The following ENTREP3 variants were observed in gnomAD, a reference collection of about 807,000 sequenced individuals.
ENTREP3 encodes protein ENTREP3.
chr1:155,253,607 C>G, the ENTREP3 span: 9 of 1,584,782 alleles, frequency 5.7e-6, no homozygotes, highest in Non-Finnish European at 7.8e-6. Context: ...CGTGCCCTGG[C>G]CCCTGCTCCC....
At chr1:155,253,963 C>T in the ENTREP3 span, 3 of 1,613,086 alleles carry the variant, frequency 1.9e-6, no homozygotes, top group Admixed American at 5.0e-5. Flanking sequence ...GGACAGCACA[C>T]ACAGACCTTT....
the ENTREP3 span, chr1:155,250,260 C>T: frequency 1.8e-5 from 28 of 1,542,720 alleles, no homozygotes; most frequent in East Asian, 2.5e-5. The surrounding 1 kb of genome is among the most constrained non-coding windows in gnomAD (Gnocchi z 5.4). Context: ...CCTGGGCAGT[C>T]GGGGAGGGGG....
the ENTREP3 span, chr1:155,251,598 G>A: frequency 1.9e-6 from 3 of 1,613,380 alleles, no homozygotes; most frequent in Admixed American, 5.0e-5. Flanking sequence ...CATTGTACGT[G>A]ATGCTGGCAG....
At chr1:155,250,603 G>A in the ENTREP3 span, 3 of 1,608,122 alleles carry the variant, frequency 1.9e-6, no homozygotes, top group Non-Finnish European at 1.7e-6. This position sits in a 1 kb window ranked among gnomAD's most constrained non-coding sequence, Gnocchi z 5.4. Flanking sequence ...GCCCGTGGGG[G>A]GCGCCGTGGC....
the ENTREP3 span, chr1:155,247,917 G>A: frequency 6.3e-7 from 1 of 1,593,800 alleles, no homozygotes; most frequent in Non-Finnish European, 8.5e-7. Context: ...GAAGGTGGAG[G>A]CTCTCTCGGC....
chr1:155,254,138 A>T, the ENTREP3 span: 1 of 1,614,172 alleles, frequency 6.2e-7, no homozygotes, highest in Non-Finnish European at 8.5e-7. The surrounding 1 kb of genome is among the most constrained non-coding windows in gnomAD (Gnocchi z 4.4). Flanking sequence ...AGGAGAGAAC[A>T]GAGCCAGCCA....
chr1:155,250,317 C>T, the ENTREP3 span: 4 of 1,527,564 alleles, frequency 2.6e-6, no homozygotes, highest in Non-Finnish European at 2.6e-6. The surrounding 1 kb of genome is among the most constrained non-coding windows in gnomAD (Gnocchi z 5.4). Context: ...GCTGTGGGAC[C>T]GTGGCAGCAG....
At chr1:155,255,174 G>A in the ENTREP3 span, 1 of 529,400 alleles carries the variant, frequency 1.9e-6, no homozygotes. This position sits in a 1 kb window ranked among gnomAD's most constrained non-coding sequence, Gnocchi z 5.6. Context: ...CTAGGGAAGA[G>A]GGGCACCGAG....
At chr1:155,252,825 C>T in the ENTREP3 span, 2 of 130,218 alleles carry the variant, frequency 1.5e-5, no homozygotes, top group African/African-American at 3.0e-5. Context: ...TCTGTCTCCC[C>T]GGTTCAAGCA....
the ENTREP3 span, chr1:155,251,476 C>G: frequency 1.3e-6 from 2 of 1,569,788 alleles, no homozygotes; most frequent in South Asian, 2.2e-5. Context: ...CTCCCCAGCC[C>G]GCCCCAAGCC....
the ENTREP3 span, chr1:155,251,988 C>A: frequency 9.8e-6 from 10 of 1,024,296 alleles, no homozygotes; most frequent in South Asian, 2.1e-4. Context: ...CTCTCATCTA[C>A]ATTATTTTTT....
At chr1:155,249,500 T>C in the ENTREP3 span, among the ~76,000 whole-genome samples, 5 of 151,890 alleles carry the variant, frequency 3.3e-5, no homozygotes, top group African/African-American at 9.7e-5. Context: ...ATAAATCCTT[T>C]TGGGAGGCCG....
the ENTREP3 span, chr1:155,252,072 G>T: frequency 1.9e-6 from 1 of 521,884 alleles, no homozygotes; most frequent in Non-Finnish European, 3.3e-6. Flanking sequence ...TTAACCCCAC[G>T]CTCACCCTGT....
chr1:155,254,791 G>C, the ENTREP3 span: 1 of 1,613,408 alleles, frequency 6.2e-7, no homozygotes, highest in Middle Eastern at 1.7e-4. The surrounding 1 kb of genome is among the most constrained non-coding windows in gnomAD (Gnocchi z 4.4). Flanking sequence ...CCTGCAGCCA[G>C]GGTCGGTGGA....
At chr1:155,253,719 C>G in the ENTREP3 span, 1 of 1,609,404 alleles carries the variant, frequency 6.2e-7, no homozygotes, top group Non-Finnish European at 8.5e-7. Context: ...CCCACAGACG[C>G]TGAAGAGCAG....
chr1:155,253,510 T>C, the ENTREP3 span: 2 of 670,810 alleles, frequency 3.0e-6, no homozygotes, highest in Non-Finnish European at 5.3e-6. Context: ...AGATAACCCA[T>C]AGCCCCTGGT....
the ENTREP3 span, chr1:155,253,629 T>C: frequency 1.9e-6 from 3 of 1,611,846 alleles, no homozygotes; most frequent in South Asian, 1.1e-5. Context: ...TCTCACCGTA[T>C]GCACGAGGTC....
chr1:155,252,266 C>T, the ENTREP3 span, among the ~76,000 whole-genome samples: 33 of 152,006 alleles, frequency 2.2e-4, no homozygotes, highest in African/African-American at 7.7e-4. Flanking sequence ...GGCGCGATCT[C>T]AGCTCACTGC....
the ENTREP3 span, chr1:155,255,049 A>C: frequency 1.6e-6 from 1 of 611,164 alleles, no homozygotes; most frequent in Admixed American, 2.9e-5. This position sits in a 1 kb window ranked among gnomAD's most constrained non-coding sequence, Gnocchi z 5.6. Context: ...GGGGGGGCCA[A>C]GCGAGGGGCG....
Sources: allele counts gnomAD v4.1 joint callset (sites outside exome capture counted in the v4.1 genomes callset), GRCh38; gene constraint gnomAD v4.1.1; non-coding constraint Gnocchi (gnomAD v3.1); transcripts MANE v1.5; gene names NCBI Gene and HGNC (gene_info 2026-07-23, HGNC 2026-07-21).